EP300: variants seen among roughly 807,000 people sequenced by gnomAD.
The protein encoded by EP300 is EP300 lysine acetyltransferase.
EP300 carries 31 observed loss-of-function variants against 264.0 expected under a neutral mutation model. That is an observed-to-expected ratio of 0.12 (90% CI 0.09 to 0.16). EP300 has a LOEUF of 0.16. EP300 is among the 10% of genes least tolerant of loss of function. The pLI, the probability that EP300 is intolerant of heterozygous loss-of-function variation, is 1.00. For missense variants in EP300, 2,766 were observed against 3,052.9 expected (o/e 0.91, Z 2.21); for synonymous variants, 1,340 against 1,045.4 (o/e 1.28, Z -5.44).
At chr22:41,149,468 C>G (rs2059030608) in intron 13 of EP300, among the ~76,000 whole-genome samples, 1 of 152,112 alleles carries the variant, frequency 6.6e-6, no homozygotes, top group Admixed American at 6.6e-5. Context: ...GGAAATCTGG[C>G]TGAAAAGAGC....
intron 23 of EP300, chr22:41,168,178 T>C (rs542122065): frequency 8.7e-5 from 39 of 448,096 alleles, no homozygotes; most frequent in Non-Finnish European, 1.4e-4. Flanking sequence ...AAATGAGAAG[T>C]TGGGGAAAAT....
chr22:41,148,987 G>A (rs2145735576), intron 12 of EP300, 51 bp from the exon 13 acceptor site: 9 of 1,603,202 alleles, frequency 5.6e-6, no homozygotes, highest in Non-Finnish European at 6.0e-6. Context: ...AGTTATAGTA[G>A]AATAACTATA....
intron 2 of EP300, among the ~76,000 whole-genome samples, chr22:41,125,531 G>A (rs2058876836): frequency 6.6e-6 from 1 of 151,938 alleles, no homozygotes; most frequent in African/African-American, 2.4e-5. Context: ...CTCGCAAAGT[G>A]GTGGGATTAC....
chr22:41,143,722 T>C (rs1414481385), intron 10 of EP300, among the ~76,000 whole-genome samples: 2 of 152,064 alleles, frequency 1.3e-5, no homozygotes, highest in African/African-American at 4.8e-5. Context: ...ATTACAGGCA[T>C]GCATCACCAC....
chr22:41,127,413 A>G (rs1601604636), intron 3 of EP300, 74 bp from the exon 4 acceptor site: 2 of 1,590,040 alleles, frequency 1.3e-6, no homozygotes, highest in East Asian at 4.5e-5. Flanking sequence ...TTCATTGAAA[A>G]TATCCACATC....
chr22:41,143,886 A>AT (rs554096648), intron 10 of EP300, among the ~76,000 whole-genome samples: 9 of 152,216 alleles, frequency 5.9e-5, no homozygotes, highest in Non-Finnish European at 1.3e-4. Flanking sequence ...GCCACGTTTG[A>AT]TTTTTTTGTT....
At chr22:41,172,354 C>G (rs778962160) in intron 27 of EP300, 145 bp from the exon 28 acceptor site, 1 of 699,918 alleles carries the variant, frequency 1.4e-6, no homozygotes, top group African/African-American at 1.8e-5. Context: ...CTAAATACTC[C>G]CTGGCTTACG....
At chr22:41,141,020 C>G (rs747012911) in intron 9 of EP300, 28 bp from the exon 10 acceptor site, 1 of 1,608,428 alleles carries the variant, frequency 6.2e-7, no homozygotes, top group African/African-American at 1.3e-5. Flanking sequence ...TTCCTCATCT[C>G]CCTTATTTTA....
At position 41,179,140 on chromosome 22, in the gene EP300, G is replaced by A. The variant is rs2059224169; in HGVS notation, c.*184G>A. ...TGCAAGATGAACCTGAGGGATGATA[G>A]AATACAAAGAATATATTTTTGTTAT... On this transcript the variant is annotated 3_prime_UTR_variant, in exon 31 of 31. Coordinates refer to ENST00000263253, the MANE Select transcript of EP300 (RefSeq NM_001429.4). 3.1e-6 allele frequency: 2 copies of A among 654,482 alleles called. No homozygotes were observed. Among genetic ancestry groups the A allele is most frequent in the East Asian group, 5.5e-5 (2 of 36,496 alleles). 40.5% of individuals were successfully genotyped at this position (654,482 alleles called of 1,614,324 possible). A position where few individuals can be genotyped will look rare whatever the true frequency, so the allele number is the denominator to read the frequency against.
In EP300 at chr22:41,176,903, G is replaced by A. The variant is rs2059203984; in HGVS notation, c.5192G>A (p.Arg1731His). Residue 1731 changes from arginine to histidine, a missense_variant, in exon 31 of 31, where the codon CGC becomes CAC. Transcript: ENST00000263253. ...GCCACCCAGAGCCCAGGCGATTCTC[G>A]CCGCCTGAGTATCCAGCGCTGCATC... ...AAATQSPGDS[R>H]RLSIQRCIQS... The A allele has an allele frequency of 1.2e-6, 2 of 1,614,054 alleles. No individual in the cohort carries two copies. Among genetic ancestry groups the A allele is most frequent in the Non-Finnish European group, 1.7e-6 (2 of 1,179,980 alleles).
intron 29 of EP300, among the ~76,000 whole-genome samples, chr22:41,174,246 C>T (rs1601637377): frequency 6.6e-6 from 1 of 152,136 alleles, no homozygotes; most frequent in African/African-American, 2.4e-5. Context: ...GCCTGGCCAA[C>T]ATGGCGAACC....
intron 29 of EP300, among the ~76,000 whole-genome samples, chr22:41,175,477 G>A (rs1050878238): frequency 2.0e-5 from 3 of 152,112 alleles, no homozygotes; most frequent in African/African-American, 7.2e-5. Flanking sequence ...GAGAATTGAT[G>A]GTTGTTACAA....
intron 22 of EP300, among the ~76,000 whole-genome samples, chr22:41,166,018 CAA>C (rs36068453): frequency 1.5e-4 from 23 of 152,126 alleles, no homozygotes; most frequent in Non-Finnish European, 2.9e-4. Context: ...CTCCTGACCT[CAA>C]AAGATCCACC....
chr22:41,093,233 G>C, intron 1 of EP300, 135 bp downstream of exon 1: 1 of 923,732 alleles, frequency 1.1e-6, no homozygotes, highest in South Asian at 1.5e-5. Flanking sequence ...GTATTTGAAT[G>C]AGCTGGTCGA....
At chr22:41,108,721 C>T (rs1020532983) in intron 1 of EP300, among the ~76,000 whole-genome samples, 8 of 152,148 alleles carry the variant, frequency 5.3e-5, no homozygotes, top group African/African-American at 1.9e-4. Context: ...TCATTAAAGG[C>T]ATAAAGGAAC....
intron 1 of EP300, among the ~76,000 whole-genome samples, chr22:41,106,493 C>G (rs533998347): frequency 1.3e-5 from 2 of 152,318 alleles, no homozygotes; most frequent in East Asian, 3.9e-4. Flanking sequence ...AATTGCTGAA[C>G]TGGCTGAGCT....
chr22:41,148,005 T>A lies in EP300; in HGVS notation c.2241+59T>A. On this transcript the variant is annotated intron_variant, in intron 12 of 30. Coordinates refer to ENST00000263253, the MANE Select transcript of EP300 (RefSeq NM_001429.4). ...TTTACCTGGTATTTTGAAAATCCTG[T>A]TTGTTCCTACTTTATAAATTCTCAC... 3.4e-6 allele frequency: 4 copies of A among 1,176,554 alleles called. 1 individual carries two copies. In the South Asian group the frequency reaches 5.5e-5, roughly 16 times the overall value. The allele number at this position is 1,176,554 out of a possible 1,614,324, so 72.9% of individuals were successfully genotyped here.
At position 41,102,035 on chromosome 22, in the gene EP300, T is replaced by C. The variant is rs1012355143; in HGVS notation, c.94+8937T>C. On this transcript the variant is annotated intron_variant, in intron 1 of 30. Coordinates refer to ENST00000263253, the MANE Select transcript of EP300 (RefSeq NM_001429.4). ...TGTTGCTTTTTTTTCTTTTCTTTTTTTTTTTTTTTTTAGTACTGGTTGCAG... is the reference window on the plus strand; with the variant it reads ...TGTTGCTTTTTTTTCTTTTCTTTTTCTTTTTTTTTTTAGTACTGGTTGCAG... Among the ~76,000 whole-genome samples the C allele has an allele frequency of 2.5e-4, 38 of 151,122 alleles. 1 individual carries two copies. Among genetic ancestry groups the C allele is most frequent in the African/African-American group, 8.7e-4 (36 of 41,364 alleles).
intron 17 of EP300, among the ~76,000 whole-genome samples, chr22:41,155,950 G>A (rs2059074223): frequency 1.3e-5 from 2 of 152,032 alleles, no homozygotes; most frequent in Admixed American, 1.3e-4. Flanking sequence ...TTTCTCCTTG[G>A]TATTTACCTA....
Sources: allele counts gnomAD v4.1 joint callset (sites outside exome capture counted in the v4.1 genomes callset), GRCh38; gene constraint gnomAD v4.1.1; transcripts MANE v1.5; gene names NCBI Gene and HGNC (gene_info 2026-07-23, HGNC 2026-07-21).